Variants in ALKBH2 observed in about 807,000 individuals in gnomAD.
ALKBH2 encodes DNA oxidative demethylase ALKBH2.
ALKBH2 carries 19 observed loss-of-function variants against 19.7 expected under a neutral mutation model. The observed-to-expected ratio is 0.97, with a 90% CI of 0.67 to 1.42. The LOEUF (loss-of-function observed/expected upper bound fraction) is 1.42. Ranked by LOEUF, ALKBH2 falls within the 40% of genes most tolerant of loss-of-function variation. The probability of loss-of-function intolerance (pLI) is 0.00; values close to 1 mark genes in which losing one functional copy is unlikely to be tolerated. For synonymous variants in ALKBH2, 135 were observed against 131.2 expected (o/e 1.03, Z -0.20); for missense variants, 310 against 328.5 (o/e 0.94, Z 0.43).
In ALKBH2 at chr12:109,088,277, G is replaced by A. The variant is rs1275023318; in HGVS notation, c.715C>T (p.Pro239Ser). ...GGAGCCAGAACCTTCTTTCTCACGG[G>A]AAGACTGTGGTACCAGTGCGTGTTG... ...PTNTHWYHSLPVRKKVLAPRV... is the reference protein window; with the variant it reads ...PTNTHWYHSLSVRKKVLAPRV... Residue 239 changes from proline (P) to serine (S), a missense_variant, in exon 4 of 4, where the codon CCC becomes TCC. Coordinates refer to ENST00000429722, the MANE Select transcript of ALKBH2 (RefSeq NM_001145374.2). This position sits in a 1 kb window ranked among gnomAD's most constrained non-coding sequence, Gnocchi z 4.2. The A allele has an allele frequency of 1.3e-5, 21 of 1,614,082 alleles. No individual in the cohort carries two copies. The highest frequency in any genetic ancestry group is 1.7e-5 in the Non-Finnish European group (20 of 1,180,004).
intron 1 of ALKBH2, 142 bp downstream of exon 1, chr12:109,093,105 G>A: frequency 3.5e-6 from 1 of 286,208 alleles, no homozygotes; most frequent in Middle Eastern, 1.0e-3. Flanking sequence ...TACCTCCTGG[G>A]AATTCGCACG....
intron 2 of ALKBH2, among the ~76,000 whole-genome samples, chr12:109,091,811 A>C (rs892254710): frequency 3.3e-5 from 5 of 152,136 alleles, no homozygotes; most frequent in Non-Finnish European, 2.9e-5. Flanking sequence ...CGGGCTCCCA[A>C]AGTGCTGGGA....
At position 109,090,185 on chromosome 12, in the gene ALKBH2, T is replaced by C; in HGVS notation, c.303A>G (p.Val101=). 5 of 1,613,880 alleles carry C rather than the reference T, an allele frequency of 3.1e-6. No homozygotes were observed. The highest frequency in any genetic ancestry group is 4.2e-6 in the Non-Finnish European group (5 of 1,180,020). The change falls in exon 3 of 4, where the codon GTA becomes GTG. Residue 101 remains valine (V), a synonymous_variant. Transcript: ENST00000429722. ...TGGGCACACTGTGCCACTTCCCGAATACCTGGACTCTGGCCAGTGCTCCTG... is the reference window on the plus strand; with the variant it reads ...TGGGCACACTGTGCCACTTCCCGAACACCTGGACTCTGGCCAGTGCTCCTG... ...YFTGALARVQ[V]FGKWHSVPRK...
rs74919160 is a variant in ALKBH2 at position 109,092,437 on chromosome 12, C to A, written c.280+70G>T. ...GATCCTGAGTTCAGATTTCTCCAAA[C>A]ATACGATCATTAATTGCACCAAACA... On this transcript the variant is annotated intron_variant, in intron 2 of 3. Transcript: ENST00000429722. 2,681 of 1,454,972 alleles carry A rather than the reference C, an allele frequency of 1.8e-3. 37 individuals are homozygous for A. In the African/African-American group the frequency reaches 0.032, roughly 17 times the overall value. 90.1% of individuals were successfully genotyped at this position (1,454,972 alleles called of 1,614,324 possible).
intron 2 of ALKBH2, chr12:109,092,125 AC>A (rs2042070192): frequency 6.0e-6 from 1 of 165,352 alleles, no homozygotes; most frequent in Non-Finnish European, 1.3e-5. Context: ...CATGAGAATC[AC>A]CTGGAAGCTT....
intron 2 of ALKBH2, among the ~76,000 whole-genome samples, chr12:109,091,372 C>T (rs1229921663): frequency 1.3e-5 from 2 of 152,094 alleles, no homozygotes; most frequent in Non-Finnish European, 2.9e-5. Context: ...GGTGACAGAG[C>T]GAGACCCTGT....
chr12:109,088,547 A>C lies in ALKBH2; in HGVS notation c.480-35T>G. ...GAAAACAAACACAGTGCATAAAAAC[A>C]ACCCTCTCCTGAAACTCACCAGCAC... On this transcript the variant is annotated intron_variant, in intron 3 of 3. Coordinates refer to ENST00000429722, the MANE Select transcript of ALKBH2 (RefSeq NM_001145374.2). This position sits in a 1 kb window ranked among gnomAD's most constrained non-coding sequence, Gnocchi z 4.2. The C allele has an allele frequency of 6.5e-7, 1 of 1,544,818 alleles. No individual in the cohort carries two copies. Among genetic ancestry groups the C allele is most frequent in the Non-Finnish European group, 8.8e-7 (1 of 1,141,340 alleles).
intron 2 of ALKBH2, 131 bp downstream of exon 2, chr12:109,092,376 G>A: frequency 1.5e-6 from 2 of 1,323,652 alleles, no homozygotes; most frequent in Non-Finnish European, 2.0e-6. Context: ...AGAGAATATT[G>A]GATGAATCCA....
At position 109,092,703 on chromosome 12, in the gene ALKBH2, A is replaced by T; in HGVS notation, c.84T>A (p.Ala28=). 6.2e-7 allele frequency: 1 copy of T among 1,614,060 alleles called. No homozygotes were observed. Among genetic ancestry groups the T allele is most frequent in the Non-Finnish European group, 8.5e-7 (1 of 1,180,014 alleles). ...TGCTTTCTTTGTCTCCTCCCAACAC[A>T]GCTGGCTCTTCTCCAGTTGGCTCTT... The part of the protein sequence containing the change: ...EEQEPTGEEP[A]VLGGDKESTR... The change falls in exon 2 of 4, where the codon GCT becomes GCA. Residue 28 remains alanine (A), a synonymous_variant. Transcript: ENST00000429722.
Position 109,092,824 on chromosome 12 carries a change from G to A in ALKBH2, c.-38C>T, listed in dbSNP as rs1308332213. The stretch of plus-strand genomic sequence containing the variant: ...GGAAAGAAGGGACGTCAGTGGCGAG[G>A]CCAAGACAGAAATTGCTCAAGTTCT... On this transcript the variant is annotated 5_prime_UTR_variant, in exon 2 of 4. Transcript: ENST00000429722. The A allele has an allele frequency of 6.4e-7, 1 of 1,563,540 alleles. No homozygotes were observed. Among genetic ancestry groups the A allele is most frequent in the East Asian group, 2.3e-5 (1 of 44,412 alleles).
At position 109,092,634 on chromosome 12, in the gene ALKBH2, G is replaced by A; in HGVS notation, c.153C>T (p.His51=). Residue 51 remains histidine, a synonymous_variant, in exon 2 of 4, where the codon CAC becomes CAT. Transcript: ENST00000429722. ...PRREAPGNGG[H]SAGPSWRHIR... Reference sequence around the variant, plus strand: ...TGTGCCGCCAGCTAGGGCCTGCTGAGTGGCCTCCATTCCCTGGGGCCTCTC... The same window carrying A: ...TGTGCCGCCAGCTAGGGCCTGCTGAATGGCCTCCATTCCCTGGGGCCTCTC... 6.2e-7 allele frequency: 1 copy of A among 1,614,194 alleles called. No homozygotes were observed. Among genetic ancestry groups the A allele is most frequent in the African/African-American group, 1.3e-5 (1 of 75,052 alleles).
At position 109,088,755 on chromosome 12, in the gene ALKBH2, C is replaced by T. The variant is rs1946778407; in HGVS notation, c.480-243G>A. Among the ~76,000 whole-genome samples the T allele has an allele frequency of 1.3e-5, 2 of 152,194 alleles. No individual in the cohort carries two copies. The highest frequency in any genetic ancestry group is 4.1e-4 in the South Asian group (2 of 4,828). ...TTTTTGAGAGGGTCTCGCTCTGTCA[C>T]CCAGGCTGAAGTGCAGTGGCACAAT... On this transcript the variant is annotated intron_variant, in intron 3 of 3. Transcript: ENST00000429722. This position sits in a 1 kb window ranked among gnomAD's most constrained non-coding sequence, Gnocchi z 4.2.
In ALKBH2 at chr12:109,088,495, T is replaced by C. The variant is rs917209724; in HGVS notation, c.497A>G (p.Asp166Gly). The change falls in exon 4 of 4, where the codon GAC (aspartate) becomes GGC (glycine). Residue 166 changes from aspartate (D) to glycine (G), a missense_variant. Asp to Gly is a moderately conservative substitution (Grantham distance 94). Coordinates refer to ENST00000429722, the MANE Select transcript of ALKBH2 (RefSeq NM_001145374.2). The surrounding 1 kb of genome is among the most constrained non-coding windows in gnomAD (Gnocchi z 4.2). ...ATCATCTCGGTGCTCCCCGATGTGGTCACAGCCATCTTTATACCTGCAATG... is the reference window on the plus strand; with the variant it reads ...ATCATCTCGGTGCTCCCCGATGTGGCCACAGCCATCTTTATACCTGCAATG... ...VLINRYKDGC[D>G]HIGEHRDDER... The C allele has an allele frequency of 6.3e-7, 1 of 1,598,048 alleles. No homozygotes were observed. The highest frequency in any genetic ancestry group is 1.3e-5 in the African/African-American group (1 of 74,428).
chr12:109,090,348 G>C (rs996593079), intron 2 of ALKBH2, 141 bp from the exon 3 acceptor site: 2 of 699,006 alleles, frequency 2.9e-6, no homozygotes, highest in African/African-American at 3.5e-5. Context: ...TGAAAGGGAA[G>C]TAAGGAATAA....
intron 2 of ALKBH2, among the ~76,000 whole-genome samples, chr12:109,090,622 A>G (rs1593312492): frequency 6.6e-6 from 1 of 151,954 alleles, no homozygotes; most frequent in African/African-American, 2.4e-5. Context: ...TGCAACCTCC[A>G]CCTCCAGGGC....
Position 109,088,297 on chromosome 12 carries a change from G to A in ALKBH2, c.695C>T (p.Thr232Met), listed in dbSNP as rs141848154. Residue 232 changes from threonine to methionine, a missense_variant, in exon 4 of 4, where the codon ACG (threonine) becomes ATG (methionine). Transcript: ENST00000429722. The surrounding 1 kb of genome is among the most constrained non-coding windows in gnomAD (Gnocchi z 4.2). ...CACGGGAAGACTGTGGTACCAGTGCGTGTTGGTCGGGTGGTTCATCATTAG... is the reference window on the plus strand; with the variant it reads ...CACGGGAAGACTGTGGTACCAGTGCATGTTGGTCGGGTGGTTCATCATTAG... Reference protein sequence around the residue: ...SLLMMNHPTNTHWYHSLPVRK... With the variant: ...SLLMMNHPTNMHWYHSLPVRK... The A allele has an allele frequency of 1.7e-5, 28 of 1,614,186 alleles. No individual in the cohort carries two copies. The highest frequency in any genetic ancestry group is 6.7e-5 in the East Asian group (3 of 44,888).
intron 3 of ALKBH2, 149 bp downstream of exon 3, chr12:109,089,860 G>T: frequency 1.3e-6 from 1 of 767,250 alleles, no homozygotes. Flanking sequence ...GATCCAGGAA[G>T]ACCGAGTGCT....
At position 109,088,272 on chromosome 12, in the gene ALKBH2, C is replaced by T. The variant is rs748516349; in HGVS notation, c.720G>A (p.Val240=). ...TNTHWYHSLP[V]RKKVLAPRVN... Reference sequence around the variant, plus strand: ...CCCGTGGAGCCAGAACCTTCTTTCTCACGGGAAGACTGTGGTACCAGTGCG... The same window carrying T: ...CCCGTGGAGCCAGAACCTTCTTTCTTACGGGAAGACTGTGGTACCAGTGCG... The change falls in exon 4 of 4, where the codon GTG becomes GTA. Residue 240 remains valine (V), a synonymous_variant. Coordinates refer to ENST00000429722, the MANE Select transcript of ALKBH2 (RefSeq NM_001145374.2). This position sits in a 1 kb window ranked among gnomAD's most constrained non-coding sequence, Gnocchi z 4.2. 3 of 1,613,950 alleles carry T rather than the reference C, an allele frequency of 1.9e-6. No individual in the cohort carries two copies. The South Asian group carries it at 3.3e-5, about 18-fold the overall frequency.
intron 3 of ALKBH2, chr12:109,089,736 A>G (rs2042029771): frequency 3.4e-5 from 15 of 446,260 alleles, no homozygotes; most frequent in South Asian, 3.2e-4. Flanking sequence ...GCAACATAGA[A>G]AAACCCTGTC....
Sources: allele counts gnomAD v4.1 joint callset (sites outside exome capture counted in the v4.1 genomes callset), GRCh38; gene constraint gnomAD v4.1.1; non-coding constraint Gnocchi (gnomAD v3.1); transcripts MANE v1.5; gene names NCBI Gene and HGNC (gene_info 2026-07-23, HGNC 2026-07-21).